ANTXR1: variants seen among roughly 807,000 people sequenced by gnomAD.
ANTXR1 encodes the protein anthrax toxin receptor 1.
ANTXR1 carries 19 observed loss-of-function variants against 78.1 expected under a neutral mutation model. That is an observed-to-expected ratio of 0.24 (90% CI 0.17 to 0.36). The LOEUF is 0.36. Ranked by LOEUF, ANTXR1 falls within the 10% of genes least tolerant of loss-of-function variation. ANTXR1 has a pLI of 1.00. For synonymous variants in ANTXR1, 273 were observed against 260.5 expected (o/e 1.05, Z -0.46); for missense variants, 518 against 718.6 (o/e 0.72, Z 3.19).
At chr2:69,227,650 A>C (rs1008213265) in intron 17 of ANTXR1, among the ~76,000 whole-genome samples, 1 of 152,204 alleles carries the variant, frequency 6.6e-6, no homozygotes, top group Non-Finnish European at 1.5e-5. Flanking sequence ...TCAACATGGC[A>C]GCTCCATGCT....
rs975432324 is a variant in ANTXR1 at position 69,042,947 on chromosome 2, T to A, written c.225-1795T>A. On this transcript the variant is annotated intron_variant, in intron 2 of 17. Coordinates refer to ENST00000303714, the MANE Select transcript of ANTXR1 (RefSeq NM_032208.3). Reference sequence around the variant, plus strand: ...CAGCCCTTCCCATACTAGTGTTGGTTTTGTATTTGGCTCACTTCCCTCCTC... The same window carrying A: ...CAGCCCTTCCCATACTAGTGTTGGTATTGTATTTGGCTCACTTCCCTCCTC... Among the ~76,000 whole-genome samples, 3 of 152,144 alleles carry A rather than the reference T, an allele frequency of 2.0e-5. No individual in the cohort carries two copies. The East Asian group carries it at 5.8e-4, about 29-fold the overall frequency.
intron 9 of ANTXR1, among the ~76,000 whole-genome samples, chr2:69,096,780 A>G (rs1671446779): frequency 1.3e-5 from 2 of 152,252 alleles, no homozygotes; most frequent in South Asian, 4.1e-4. Flanking sequence ...ATTTATTACA[A>G]GTTAATGATT....
intron 12 of ANTXR1, among the ~76,000 whole-genome samples, chr2:69,138,292 A>G (rs1672973020): frequency 6.6e-6 from 1 of 152,132 alleles, no homozygotes; most frequent in African/African-American, 2.4e-5. Context: ...AAATAGTCCA[A>G]CATTGGCAAA....
chr2:69,216,607 C>T (rs1675185000), intron 17 of ANTXR1, among the ~76,000 whole-genome samples: 1 of 152,150 alleles, frequency 6.6e-6, no homozygotes, highest in African/African-American at 2.4e-5. Context: ...GTCATCCTCA[C>T]CCATCACCAT....
chr2:69,233,991 G>A (rs922810424), intron 17 of ANTXR1, among the ~76,000 whole-genome samples: 14 of 152,002 alleles, frequency 9.2e-5, no homozygotes, highest in East Asian at 7.7e-4. Context: ...ACTTACATTC[G>A]AAAATCACAA....
At chr2:69,058,523 C>T (rs1573822149) in intron 3 of ANTXR1, among the ~76,000 whole-genome samples, 1 of 130,982 alleles carries the variant, frequency 7.6e-6, no homozygotes, top group Admixed American at 7.4e-5. Flanking sequence ...ACTCTTGAGA[C>T]CTACTTCTTG....
chr2:69,128,996 A>G (rs978792634), intron 12 of ANTXR1, among the ~76,000 whole-genome samples: 2 of 152,240 alleles, frequency 1.3e-5, no homozygotes, highest in East Asian at 1.9e-4. Context: ...CAGAAATTCC[A>G]TGGAGTTTTA....
At chr2:69,120,253 C>T (rs144056451) in intron 10 of ANTXR1, among the ~76,000 whole-genome samples, 216 of 152,282 alleles carry the variant, frequency 1.4e-3, no homozygotes, top group African/African-American at 4.8e-3. Context: ...TATGGGTACT[C>T]ACCATTAATA....
intron 12 of ANTXR1, among the ~76,000 whole-genome samples, chr2:69,136,950 A>G (rs1271520745): frequency 6.6e-6 from 1 of 152,186 alleles, no homozygotes; most frequent in Non-Finnish European, 1.5e-5. Flanking sequence ...GTAGTACTGG[A>G]GAGAAATCAT....
At chr2:69,159,538 AG>A (rs1455714537) in intron 13 of ANTXR1, among the ~76,000 whole-genome samples, 1 of 147,018 alleles carries the variant, frequency 6.8e-6, no homozygotes, top group African/African-American at 2.6e-5. Flanking sequence ...ACAATTAAAA[AG>A]AAAAAAAAAA....
chr2:69,208,066 T>G (rs966903357), intron 17 of ANTXR1, among the ~76,000 whole-genome samples: 10 of 152,206 alleles, frequency 6.6e-5, no homozygotes, highest in African/African-American at 2.4e-4. Flanking sequence ...AAGGGTGGGA[T>G]CCATCAGAGG....
At chr2:69,179,337 A>G (rs1031130081) in intron 14 of ANTXR1, among the ~76,000 whole-genome samples, 1 of 152,138 alleles carries the variant, frequency 6.6e-6, no homozygotes, top group African/African-American at 2.4e-5. Context: ...ACTTGAGCCC[A>G]GGAGTTTGTG....
intron 12 of ANTXR1, 24 bp downstream of exon 12, chr2:69,124,667 C>T (rs780272543): frequency 6.2e-7 from 1 of 1,607,414 alleles, no homozygotes; most frequent in Non-Finnish European, 8.5e-7. Context: ...TTTCCCTTTA[C>T]TAAAGATCTC....
chr2:69,201,487 G>A (rs1013813915), intron 17 of ANTXR1, among the ~76,000 whole-genome samples: 1 of 152,208 alleles, frequency 6.6e-6, no homozygotes, highest in African/African-American at 2.4e-5. Flanking sequence ...CCACCCTGAG[G>A]ACAGTAGAGA....
intron 17 of ANTXR1, among the ~76,000 whole-genome samples, chr2:69,235,803 C>T (rs550194253): frequency 1.4e-5 from 2 of 147,068 alleles, no homozygotes; most frequent in East Asian, 4.0e-4. Flanking sequence ...GCTTACATAA[C>T]CAGTGTATTA....
intron 13 of ANTXR1, among the ~76,000 whole-genome samples, chr2:69,166,783 G>A (rs1673837404): frequency 6.6e-6 from 1 of 152,374 alleles, no homozygotes; most frequent in South Asian, 2.1e-4. Flanking sequence ...AGGAGAGTGG[G>A]CCAAACCAAG....
chr2:69,045,083 A>G (rs1405117160), intron 3 of ANTXR1, among the ~76,000 whole-genome samples: 4 of 152,188 alleles, frequency 2.6e-5, no homozygotes, highest in South Asian at 2.1e-4. Context: ...TGTTGATTCC[A>G]TCTGCTAACT....
chr2:69,022,660 T>G (rs1671226950), intron 1 of ANTXR1, among the ~76,000 whole-genome samples: 1 of 152,190 alleles, frequency 6.6e-6, no homozygotes, highest in African/African-American at 2.4e-5. Flanking sequence ...AGACGTGTAT[T>G]TTGGAAAAGC....
At chr2:69,181,664 C>A in intron 14 of ANTXR1, 122 bp from the exon 15 acceptor site, 1 of 921,030 alleles carries the variant, frequency 1.1e-6, no homozygotes, top group Non-Finnish European at 1.8e-6. Flanking sequence ...GAAACAGTAG[C>A]ACTGGGATTG....
Sources: gnomAD v4.1 joint callset for allele counts (sites outside exome capture counted in the v4.1 genomes callset) on GRCh38, gnomAD v4.1.1 for gene constraint, MANE v1.5 for transcripts, NCBI Gene and HGNC (gene_info 2026-07-23, HGNC 2026-07-21) for gene names.